Variants in ACBD6 observed in about 807,000 individuals in gnomAD.
ACBD6 encodes the protein acyl-CoA-binding domain-containing protein 6.
ACBD6 carries 28 observed loss-of-function variants against 37.2 expected under a neutral mutation model. The ratio of observed to expected loss-of-function variants is 0.75; its 90% CI spans 0.56 to 1.03. The LOEUF (loss-of-function observed/expected upper bound fraction) is 1.03, where lower values mean the gene tolerates loss of function less well. ACBD6 is among the 50% of genes least tolerant of loss of function. The pLI, the probability that ACBD6 is intolerant of heterozygous loss-of-function variation, is 0.00. For missense variants in ACBD6, 340 were observed against 337.4 expected, an observed-to-expected ratio of 1.01 and a Z score of -0.06; for synonymous variants, 113 against 126.8, an observed-to-expected ratio of 0.89 and a Z score of 0.73.
chr1:180,322,876 ATTTATTAT>A (rs1651126923), intron 6 of ACBD6, among the ~76,000 whole-genome samples: 1 of 148,062 alleles, frequency 6.8e-6, no homozygotes, highest in Non-Finnish European at 1.5e-5. Flanking sequence ...TTTTTATTTT[ATTTATTAT>A]TTTATTATTT....
chr1:180,397,713 T>C, intron 5 of ACBD6, 108 bp from the exon 6 acceptor site: 1 of 947,846 alleles, frequency 1.1e-6, no homozygotes. Flanking sequence ...GGGTTAATTA[T>C]TCTAAGAATG....
Position 180,389,248 on chromosome 1 carries a change from G to A in ACBD6, c.663+8268C>T, listed in dbSNP as rs191745763. 1.4e-3 allele frequency among the ~76,000 whole-genome samples: 217 copies of A among 152,076 alleles called. 4 individuals are homozygous for A. Among genetic ancestry groups the A allele is most frequent in the African/African-American group, 4.9e-3 (203 of 41,456 alleles). Reference sequence around the variant, plus strand: ...TTCCCACCTATGAGTGAGAACATGCGGAGTTTGGTTTTTAGTCCTTGTGAT... The same window carrying A: ...TTCCCACCTATGAGTGAGAACATGCAGAGTTTGGTTTTTAGTCCTTGTGAT... On this transcript the variant is annotated intron_variant, in intron 6 of 7. Transcript: ENST00000367595.
intron 6 of ACBD6, among the ~76,000 whole-genome samples, chr1:180,343,570 C>T (rs1351667795): frequency 2.0e-5 from 3 of 152,176 alleles, no homozygotes; most frequent in Non-Finnish European, 4.4e-5. Flanking sequence ...TAAGTTTAAG[C>T]AGAACCTTCA....
At chr1:180,304,980 C>T (rs536192941) in intron 7 of ACBD6, among the ~76,000 whole-genome samples, 175 of 152,174 alleles carry the variant, frequency 1.1e-3, no homozygotes, top group African/African-American at 4.1e-3. Context: ...TTTGACAAAC[C>T]TGACAAAAAC....
chr1:180,487,832 A>G (rs1651334267), intron 3 of ACBD6, among the ~76,000 whole-genome samples: 1 of 152,202 alleles, frequency 6.6e-6, no homozygotes, highest in Non-Finnish European at 1.5e-5. Flanking sequence ...GCCATAATGC[A>G]ACAAAAGTAC....
chr1:180,428,074 CTG>C (rs57701484), intron 4 of ACBD6, among the ~76,000 whole-genome samples: 23,980 of 152,038 alleles, frequency 0.16, 1,945 homozygotes, highest in Middle Eastern at 0.22. Context: ...AACAAAATTA[CTG>C]TGTTTGTAAT....
At chr1:180,410,072 C>G (rs1647794438) in intron 5 of ACBD6, among the ~76,000 whole-genome samples, 1 of 152,224 alleles carries the variant, frequency 6.6e-6, no homozygotes, top group East Asian at 1.9e-4. Flanking sequence ...ATTCAACCAG[C>G]CACAACATTC....
At chr1:180,320,326 C>A (rs1157282354) in intron 6 of ACBD6, among the ~76,000 whole-genome samples, 2 of 152,148 alleles carry the variant, frequency 1.3e-5, no homozygotes, top group African/African-American at 4.8e-5. Flanking sequence ...CTATTCAAAT[C>A]ATTTGCCCAT....
At chr1:180,351,573 C>T (rs938153167) in intron 6 of ACBD6, among the ~76,000 whole-genome samples, 1 of 140,302 alleles carries the variant, frequency 7.1e-6, no homozygotes, top group African/African-American at 2.7e-5. Flanking sequence ...GTGCCTGGCC[C>T]GATATTACGT....
intron 6 of ACBD6, among the ~76,000 whole-genome samples, chr1:180,363,322 T>C (rs1163163349): frequency 1.3e-5 from 2 of 152,222 alleles, no homozygotes; most frequent in African/African-American, 4.8e-5. Context: ...TAGAGGACTG[T>C]GGAATTATCT....
At chr1:180,413,512 A>G in intron 4 of ACBD6, 41 bp from the exon 5 acceptor site, 1 of 1,391,658 alleles carries the variant, frequency 7.2e-7, no homozygotes, top group Non-Finnish European at 1.0e-6. Context: ...ACTGGGTAAT[A>G]CATTAAAGTT....
intron 6 of ACBD6, among the ~76,000 whole-genome samples, chr1:180,393,820 T>C (rs1218606136): frequency 6.6e-6 from 1 of 152,208 alleles, no homozygotes; most frequent in Non-Finnish European, 1.5e-5. Flanking sequence ...CTACACACAA[T>C]GGTCATGTGA....
chr1:180,386,730 A>G (rs930769296), intron 6 of ACBD6, among the ~76,000 whole-genome samples: 1 of 151,980 alleles, frequency 6.6e-6, no homozygotes. Flanking sequence ...TATTTCAGCT[A>G]TTATATTTGC....
At chr1:180,405,166 G>A (rs1421795963) in intron 5 of ACBD6, among the ~76,000 whole-genome samples, 1 of 152,006 alleles carries the variant, frequency 6.6e-6, no homozygotes, top group East Asian at 1.9e-4. Flanking sequence ...CATAAATTTA[G>A]TCTCAGTATA....
chr1:180,490,011 T>A (rs2102085948), intron 3 of ACBD6, among the ~76,000 whole-genome samples: 1 of 152,300 alleles, frequency 6.6e-6, no homozygotes, highest in East Asian at 1.9e-4. Flanking sequence ...GTACTGAAGG[T>A]AAGAAATCAT....
chr1:180,304,184 T>C (rs1650251703), intron 7 of ACBD6, among the ~76,000 whole-genome samples: 1 of 150,834 alleles, frequency 6.6e-6, no homozygotes, highest in Admixed American at 6.6e-5. Context: ...CCATTCCCTT[T>C]GAAAATGGGC....
At chr1:180,347,561 TG>T (rs1652235475) in intron 6 of ACBD6, among the ~76,000 whole-genome samples, 1 of 152,134 alleles carries the variant, frequency 6.6e-6, no homozygotes, top group African/African-American at 2.4e-5. Flanking sequence ...TTCACCATGT[TG>T]GCCCAGCTGG....
At chr1:180,402,919 C>A (rs1647439190) in intron 5 of ACBD6, among the ~76,000 whole-genome samples, 1 of 151,792 alleles carries the variant, frequency 6.6e-6, no homozygotes, top group Admixed American at 6.6e-5. Context: ...TAATTAACAG[C>A]AATAATAATA....
chr1:180,369,518 T>C (rs147880445), intron 6 of ACBD6, among the ~76,000 whole-genome samples: 3 of 152,330 alleles, frequency 2.0e-5, no homozygotes, highest in East Asian at 3.9e-4. Context: ...GAGATGATTA[T>C]CGTATACCTC....
Sources: allele counts gnomAD v4.1 joint callset (sites outside exome capture counted in the v4.1 genomes callset), GRCh38; gene constraint gnomAD v4.1.1; transcripts MANE v1.5; gene names NCBI Gene and HGNC (gene_info 2026-07-23, HGNC 2026-07-21).